GRIN2A: variants seen among roughly 807,000 people sequenced by gnomAD.
GRIN2A encodes glutamate ionotropic receptor NMDA type subunit 2A, also known as glutamate receptor ionotropic, NMDA 2A.
GRIN2A carries 22 observed loss-of-function variants against 113.4 expected under a neutral mutation model. The observed-to-expected ratio is 0.19, with a 90% CI of 0.14 to 0.28. The LOEUF (loss-of-function observed/expected upper bound fraction) is 0.28. Ranked by LOEUF, GRIN2A falls within the 10% of genes least tolerant of loss-of-function variation. The pLI, the probability that GRIN2A is intolerant of heterozygous loss-of-function variation, is 1.00. For synonymous variants in GRIN2A, 827 were observed against 738.4 expected (o/e 1.12, Z -1.94); for missense variants, 1,502 against 1,887.0 (o/e 0.80, Z 3.78).
intron 2 of GRIN2A, among the ~76,000 whole-genome samples, chr16:10,008,663 G>C (rs1206230463): frequency 6.6e-6 from 1 of 152,192 alleles, no homozygotes; most frequent in South Asian, 2.1e-4. Context: ...ATCTGTGCAA[G>C]GATGTTCAAG....
At chr16:9,914,641 C>T (rs1375996979) in intron 3 of GRIN2A, among the ~76,000 whole-genome samples, 1 of 152,128 alleles carries the variant, frequency 6.6e-6, no homozygotes, top group Non-Finnish European at 1.5e-5. Flanking sequence ...AAGATGGTCC[C>T]AGAGAGAACA....
chr16:9,866,960 G>A (rs529189292), intron 4 of GRIN2A, among the ~76,000 whole-genome samples: 2 of 152,124 alleles, frequency 1.3e-5, no homozygotes, highest in African/African-American at 4.8e-5. Context: ...TCTCATTCAG[G>A]TATTCTTATG....
intron 2 of GRIN2A, among the ~76,000 whole-genome samples, chr16:10,030,984 T>G (rs2046918155): frequency 6.6e-6 from 1 of 152,196 alleles, no homozygotes; most frequent in South Asian, 2.1e-4. Flanking sequence ...TCTGCCATAC[T>G]GGCTGCTGAC....
rs1432929145 is a variant in GRIN2A at position 9,755,754 on chromosome 16, G to A, written c.*7395C>T. ...GCCATTCTGGGTACCTATAAAGCCCGGTGGAAGCGTTCCAGTTCAACACTC... is the reference window on the plus strand; with the variant it reads ...GCCATTCTGGGTACCTATAAAGCCCAGTGGAAGCGTTCCAGTTCAACACTC... On this transcript the variant is annotated 3_prime_UTR_variant, in exon 13 of 13. Coordinates refer to ENST00000330684, the MANE Select transcript of GRIN2A (RefSeq NM_001134407.3). The A allele has an allele frequency of 4.3e-5, 9 of 209,580 alleles. No homozygotes were observed. The highest frequency in any genetic ancestry group is 7.8e-5 in the Non-Finnish European group (8 of 102,770). The allele number at this position is 209,580 out of a possible 1,614,324, so 13.0% of individuals were successfully genotyped here. A position where few individuals can be genotyped will look rare whatever the true frequency, so the allele number is the denominator to read the frequency against.
At chr16:10,038,669 C>T (rs1361588897) in intron 2 of GRIN2A, among the ~76,000 whole-genome samples, 1 of 143,578 alleles carries the variant, frequency 7.0e-6, no homozygotes, top group African/African-American at 2.5e-5. Flanking sequence ...TGGTGAAACC[C>T]TGTCTCTACT....
intron 2 of GRIN2A, among the ~76,000 whole-genome samples, chr16:10,171,900 A>G (rs947937419): frequency 6.6e-6 from 1 of 152,196 alleles, no homozygotes; most frequent in Non-Finnish European, 1.5e-5. Context: ...GATATTAAGA[A>G]CTTCCCCATG....
chr16:9,798,594 C>T (rs552431592), intron 10 of GRIN2A, 130 bp from the exon 11 acceptor site: 2 of 651,368 alleles, frequency 3.1e-6, no homozygotes, highest in South Asian at 1.9e-5. Context: ...ATGGCCTCTC[C>T]ATCCCCTCAT....
rs60999132 is a variant in GRIN2A at position 9,979,845 on chromosome 16, C to CTG, written c.415-41296_415-41295dup. ...TATGTATTTATCTAGGACTTATATTCTGTGTGTGTGTGTGTGTGTGTGTGT... is the reference window on the plus strand; with the variant it reads ...TATGTATTTATCTAGGACTTATATTCTGTGTGTGTGTGTGTGTGTGTGTGTGT... On this transcript the variant is annotated intron_variant, in intron 2 of 12. Coordinates refer to ENST00000330684, the MANE Select transcript of GRIN2A (RefSeq NM_001134407.3). Among the ~76,000 whole-genome samples the CTG allele has an allele frequency of 4.9e-3, 656 of 133,510 alleles. 5 individuals carry two copies. Among genetic ancestry groups the CTG allele is most frequent in the Admixed American group, 0.013 (171 of 12,992 alleles). 87.6% of individuals were successfully genotyped at this position (133,510 alleles called of 152,430 possible). A position where few individuals can be genotyped will look rare whatever the true frequency, so the allele number is the denominator to read the frequency against.
rs546554744 is a variant in GRIN2A, at chr16:10,062,359, T to C, written c.414+117639A>G. Among the ~76,000 whole-genome samples, 7 of 152,342 alleles carry C rather than the reference T, an allele frequency of 4.6e-5. No homozygotes were observed. In the South Asian group the frequency reaches 1.2e-3, roughly 27 times the overall value. ...CAAAAATAGCTAGCTGGATTTGACC[T>C]GTAGGCTGTAGATGGCCATGCCCTG... On this transcript the variant is annotated intron_variant, in intron 2 of 12. Transcript: ENST00000330684.
intron 10 of GRIN2A, among the ~76,000 whole-genome samples, chr16:9,802,217 A>T (rs976448143): frequency 1.3e-4 from 20 of 152,220 alleles, no homozygotes; most frequent in African/African-American, 4.8e-4. Context: ...TCATTCTATT[A>T]TAAACACACA....
rs1380926901 is a variant in GRIN2A, at chr16:10,051,993, G to A, written c.415-113442C>T. On this transcript the variant is annotated intron_variant, in intron 2 of 12. Coordinates refer to ENST00000330684, the MANE Select transcript of GRIN2A (RefSeq NM_001134407.3). The stretch of plus-strand genomic sequence containing the variant: ...CTAAAAAGTCTTGTTTGTGCTGAGA[G>A]ATCTCAAACTACCTCTTTTACTGAA... Among the ~76,000 whole-genome samples the A allele has an allele frequency of 2.0e-5, 3 of 152,210 alleles. No homozygotes were observed. The East Asian group carries it at 5.8e-4, about 29-fold the overall frequency.
intron 3 of GRIN2A, among the ~76,000 whole-genome samples, chr16:9,904,530 C>T (rs1165168512): frequency 6.6e-6 from 1 of 152,090 alleles, no homozygotes; most frequent in African/African-American, 2.4e-5. Flanking sequence ...CACCACCAAG[C>T]CCAGCTAATT....
chr16:9,813,788 C>A (rs181050770), intron 10 of GRIN2A, among the ~76,000 whole-genome samples: 1 of 151,664 alleles, frequency 6.6e-6, no homozygotes, highest in East Asian at 1.9e-4. Context: ...TATTTTTGAG[C>A]TTTGTTTGCA....
chr16:9,838,357 C>G (rs941055333), intron 7 of GRIN2A, among the ~76,000 whole-genome samples: 4 of 152,114 alleles, frequency 2.6e-5, no homozygotes, highest in Non-Finnish European at 4.4e-5. Context: ...ATATGTTTAT[C>G]AGAGCACAAC....
chr16:9,808,509 G>C (rs2042024388), intron 10 of GRIN2A, among the ~76,000 whole-genome samples: 1 of 152,158 alleles, frequency 6.6e-6, no homozygotes, highest in South Asian at 2.1e-4. Context: ...TTGTGAAAAT[G>C]CTATTATGTG....
chr16:9,794,419 G>T (rs1902835398), intron 11 of GRIN2A, among the ~76,000 whole-genome samples: 2 of 152,214 alleles, frequency 1.3e-5, no homozygotes, highest in Non-Finnish European at 2.9e-5. Context: ...TCAGCACTGT[G>T]CTCTTTACAC....
chr16:10,078,510 G>C (rs61508637), intron 2 of GRIN2A, among the ~76,000 whole-genome samples: 6,986 of 151,994 alleles, frequency 0.046, 579 homozygotes, highest in African/African-American at 0.16. Flanking sequence ...TGAGATGCAG[G>C]AGGGAAGGAG....
chr16:10,114,834 C>G (rs1453977405), intron 2 of GRIN2A, among the ~76,000 whole-genome samples: 1 of 152,198 alleles, frequency 6.6e-6, no homozygotes, highest in Non-Finnish European at 1.5e-5. Context: ...GGCAAAGTCA[C>G]GCCCCCGATG....
intron 2 of GRIN2A, among the ~76,000 whole-genome samples, chr16:10,047,862 GCTT>G (rs1178722548): frequency 6.6e-6 from 1 of 152,176 alleles, no homozygotes; most frequent in African/African-American, 2.4e-5. Context: ...TGATCTCAGA[GCTT>G]ACCTGCAGGG....
Sources: gnomAD v4.1 joint callset for allele counts (sites outside exome capture counted in the v4.1 genomes callset) on GRCh38, gnomAD v4.1.1 for gene constraint, MANE v1.5 for transcripts, NCBI Gene and HGNC (gene_info 2026-07-23, HGNC 2026-07-21) for gene names.